The following CYP46A1 variants were observed in gnomAD, a reference collection of about 807,000 sequenced individuals.
CYP46A1 encodes the protein cytochrome P450 family 46 subfamily A member 1.
CYP46A1 carries 20 observed loss-of-function variants against 63.3 expected under a neutral mutation model. That is an observed-to-expected ratio of 0.32 (90% CI 0.22 to 0.46). The LOEUF is 0.46. Ranked by LOEUF, CYP46A1 falls within the 20% of genes least tolerant of loss-of-function variation. The pLI, the probability that CYP46A1 is intolerant of heterozygous loss-of-function variation, is 1.00. For synonymous variants in CYP46A1, 268 were observed against 273.6 expected, an observed-to-expected ratio of 0.98 and a Z score of 0.20; for missense variants, 445 against 670.8, an observed-to-expected ratio of 0.66 and a Z score of 3.72.
At chr14:99,684,564 C>A in intron 1 of CYP46A1, 28 bp downstream of exon 1, 3 of 1,424,570 alleles carry the variant, frequency 2.1e-6, no homozygotes, top group Middle Eastern at 2.5e-4. Flanking sequence ...CGGGGCCTGG[C>A]TGGGGTGCTG....
chr14:99,693,180 G>A (rs1025544271), intron 3 of CYP46A1: 4 of 152,906 alleles, frequency 2.6e-5, no homozygotes, highest in Non-Finnish European at 4.4e-5. Context: ...CAGATGTGTG[G>A]GGCAATTCTC....
chr14:99,686,758 G>A (rs774095553), intron 1 of CYP46A1, among the ~76,000 whole-genome samples: 9 of 152,120 alleles, frequency 5.9e-5, no homozygotes, highest in South Asian at 4.1e-4. Context: ...TGTGGGGTGC[G>A]GAGGGAGCAG....
At chr14:99,700,609 G>A (rs1271078990) in intron 5 of CYP46A1, among the ~76,000 whole-genome samples, 2 of 152,254 alleles carry the variant, frequency 1.3e-5, no homozygotes, top group Non-Finnish European at 2.9e-5. Context: ...TTACTCACAT[G>A]TTTGTGGTGG....
At chr14:99,692,372 C>G (rs2056551308) in intron 3 of CYP46A1, among the ~76,000 whole-genome samples, 1 of 152,216 alleles carries the variant, frequency 6.6e-6, no homozygotes, top group South Asian at 2.1e-4. Flanking sequence ...AACCTCATCT[C>G]TACTAAAAAT....
intron 9 of CYP46A1, chr14:99,717,697 C>T (rs1373284130): frequency 2.7e-5 from 6 of 225,520 alleles, no homozygotes; most frequent in Non-Finnish European, 5.2e-5. Context: ...CCGAAATGTC[C>T]ACCACCCCCT....
rs559835174 is a variant in CYP46A1, at chr14:99,690,025, C to T, written c.120-1056C>T. ...TCCCTCAAGTACTCTGCCCGAGCCACACTGGCTTCCTCACTGTCCAAGCAC... is the reference window on the plus strand; with the variant it reads ...TCCCTCAAGTACTCTGCCCGAGCCATACTGGCTTCCTCACTGTCCAAGCAC... On this transcript the variant is annotated intron_variant, in intron 1 of 14. Coordinates refer to ENST00000261835, the MANE Select transcript of CYP46A1 (RefSeq NM_006668.2). Among the ~76,000 whole-genome samples, 6 of 152,352 alleles carry T rather than the reference C, an allele frequency of 3.9e-5. No individual in the cohort carries two copies. The East Asian group carries it at 1.2e-3, about 29-fold the overall frequency.
At chr14:99,687,348 G>C (rs1470379085) in intron 1 of CYP46A1, among the ~76,000 whole-genome samples, 1 of 152,140 alleles carries the variant, frequency 6.6e-6, no homozygotes, top group Non-Finnish European at 1.5e-5. Flanking sequence ...ATTTATTTGG[G>C]GATAAATTGA....
intron 7 of CYP46A1, chr14:99,709,697 G>A (rs1316147738): frequency 6.6e-6 from 1 of 152,122 alleles, no homozygotes; most frequent in Admixed American, 6.5e-5. Flanking sequence ...AGAGATCCAG[G>A]TATAGTCATG....
At chr14:99,711,806 A>C (rs796179188) in intron 7 of CYP46A1, 18 of 152,294 alleles carry the variant, frequency 1.2e-4, no homozygotes, top group African/African-American at 4.3e-4. Context: ...CTGATACCAC[A>C]AACAGACAAG....
chr14:99,726,937 G>A lies in CYP46A1; in HGVS notation c.*210G>A, dbSNP rs2140146970. 1 of 439,156 alleles carries A rather than the reference G, an allele frequency of 2.3e-6. No homozygotes were observed. The allele number at this position is 439,156 out of a possible 1,614,324, so 27.2% of individuals were successfully genotyped here. ...CATGGCCCTTCCTGGACTGGCCCTT[G>A]CCCAACTCCCAGCCACCACCACTGT... On this transcript the variant is annotated 3_prime_UTR_variant, in exon 15 of 15. Coordinates refer to ENST00000261835, the MANE Select transcript of CYP46A1 (RefSeq NM_006668.2).
rs749510095 is a variant in CYP46A1 at position 99,691,762 on chromosome 14, G to C, written c.201-18G>C. The stretch of plus-strand genomic sequence containing the variant: ...CTCAGGTGGTTGACAGTTTCCTTCG[G>C]GTCACTTTGGTTTCCAGGGCTAAGA... On this transcript the variant is annotated intron_variant, in intron 2 of 14. Transcript: ENST00000261835. 8 of 1,613,862 alleles carry C rather than the reference G, an allele frequency of 5.0e-6. No homozygotes were observed. In the South Asian group the frequency reaches 8.8e-5, roughly 18 times the overall value.
At chr14:99,718,392 T>C (rs1312326202) in intron 10 of CYP46A1, among the ~76,000 whole-genome samples, 1 of 152,130 alleles carries the variant, frequency 6.6e-6, no homozygotes, top group African/African-American at 2.4e-5. Flanking sequence ...TGCTCCCGAC[T>C]CATGAGTGTG....
chr14:99,703,247 G>A (rs749366059), intron 5 of CYP46A1, among the ~76,000 whole-genome samples: 79 of 152,198 alleles, frequency 5.2e-4, no homozygotes, highest in Non-Finnish European at 7.5e-4. Flanking sequence ...TTTCTCCACT[G>A]TGAAGCAATT....
intron 7 of CYP46A1, chr14:99,709,810 C>G (rs935522982): frequency 6.6e-6 from 1 of 152,082 alleles, no homozygotes; most frequent in Non-Finnish European, 1.5e-5. Context: ...AAGTCAAAGA[C>G]ACAGAGAGAA....
intron 1 of CYP46A1, among the ~76,000 whole-genome samples, chr14:99,690,098 G>A (rs1304844367): frequency 1.3e-5 from 2 of 152,174 alleles, no homozygotes; most frequent in Non-Finnish European, 2.9e-5. Flanking sequence ...TGCTTGGAAG[G>A]CTCTTCCCCC....
At chr14:99,697,107 C>G (rs1425923226) in intron 3 of CYP46A1, among the ~76,000 whole-genome samples, 1 of 152,170 alleles carries the variant, frequency 6.6e-6, no homozygotes, top group Non-Finnish European at 1.5e-5. Context: ...CTGTAGTCAC[C>G]CAGTAATTCT....
At chr14:99,687,813 C>G (rs2056507696) in intron 1 of CYP46A1, among the ~76,000 whole-genome samples, 1 of 152,146 alleles carries the variant, frequency 6.6e-6, no homozygotes. Flanking sequence ...TCTGCTGTGT[C>G]CAGTCTATCA....
chr14:99,685,825 C>G (rs1330559078), intron 1 of CYP46A1, among the ~76,000 whole-genome samples: 1 of 152,018 alleles, frequency 6.6e-6, no homozygotes, highest in Non-Finnish European at 1.5e-5. Context: ...TGCTCTCTCT[C>G]TCTCTCCTTG....
chr14:99,718,225 T>G (rs1419126729), intron 10 of CYP46A1, 99 bp downstream of exon 10: 1 of 985,118 alleles, frequency 1.0e-6, no homozygotes, highest in Non-Finnish European at 1.6e-6. Context: ...CCCCTCAACA[T>G]GCCCTGCTTC....
Sources: gnomAD v4.1 joint callset for allele counts (sites outside exome capture counted in the v4.1 genomes callset) on GRCh38, gnomAD v4.1.1 for gene constraint, MANE v1.5 for transcripts, NCBI Gene and HGNC (gene_info 2026-07-23, HGNC 2026-07-21) for gene names.